The following SSC4D variants were observed in gnomAD, a reference collection of about 807,000 sequenced individuals.
SSC4D encodes the protein scavenger receptor cysteine rich family member with 4 domains.
SSC4D carries 57 observed loss-of-function variants against 63.4 expected under a neutral mutation model. The observed-to-expected ratio is 0.90, with a 90% CI of 0.73 to 1.12. SSC4D has a LOEUF of 1.12. Ranked by LOEUF, SSC4D falls within the 50% of genes most tolerant of loss-of-function variation. The pLI is 0.00. For missense variants in SSC4D, 791 were observed against 806.4 expected (o/e 0.98, Z 0.23); for synonymous variants, 352 against 345.4 (o/e 1.02, Z -0.21).
At chr7:76,391,283 C>T (rs183897143) in intron 10 of SSC4D, among the ~76,000 whole-genome samples, 9 of 151,916 alleles carry the variant, frequency 5.9e-5, no homozygotes, top group South Asian at 2.1e-4. Flanking sequence ...AAAATACAAA[C>T]GCACAAAATT....
intron 7 of SSC4D, 91 bp downstream of exon 7, chr7:76,395,161 GC>G: frequency 6.8e-7 from 1 of 1,467,670 alleles, no homozygotes; most frequent in Non-Finnish European, 9.5e-7. Flanking sequence ...GTTAGCCAGG[GC>G]CCCCGCCTGT....
chr7:76,390,100 C>G lies in SSC4D; in HGVS notation c.1687G>C (p.Asp563His), dbSNP rs1226714586. ...SHIRWDAHNC[D>H]HSEDASVLCQ... The stretch of plus-strand genomic sequence containing the variant: ...AGGACACTGGCATCCTCGCTGTGGT[C>G]ACAGTTGTGGGCATCCCAGCGGATA... Residue 563 changes from aspartate to histidine, a missense_variant, in exon 11 of 11, where the codon GAC becomes CAC. Physicochemically the swap from Asp to His is moderately conservative, Grantham distance 81. Transcript: ENST00000275560. 1 of 1,614,216 alleles carries G rather than the reference C, an allele frequency of 6.2e-7. No individual in the cohort carries two copies. Among genetic ancestry groups the G allele is most frequent in the African/African-American group, 1.3e-5 (1 of 75,060 alleles).
Position 76,390,088 on chromosome 7 carries a change from C to A in SSC4D, c.1699G>T (p.Asp567Tyr). The A allele has an allele frequency of 6.2e-7, 1 of 1,614,208 alleles. No individual in the cohort carries two copies. Among genetic ancestry groups the A allele is most frequent in the Non-Finnish European group, 8.5e-7 (1 of 1,180,032 alleles). ...WDAHNCDHSE[D>Y]ASVLCQPS is the part of the protein sequence containing the mutation. ...GAAGGCTGGCACAGGACACTGGCAT[C>A]CTCGCTGTGGTCACAGTTGTGGGCA... The change falls in exon 11 of 11, where the codon GAT (aspartate) becomes TAT (tyrosine). Residue 567 changes from aspartate (D) to tyrosine (Y), a missense_variant. Transcript: ENST00000275560.
chr7:76,403,433 G>A (rs1458081793), intron 2 of SSC4D, among the ~76,000 whole-genome samples: 1 of 151,284 alleles, frequency 6.6e-6, no homozygotes, highest in East Asian at 1.9e-4. Flanking sequence ...CACCTCCTGG[G>A]TTCAAACAAT....
rs770616035 is a variant in SSC4D at position 76,397,593 on chromosome 7, G to A, written c.793C>T (p.Leu265=). ...NVHCEGGEPR[L]AACQSLGWGV... Reference sequence around the variant, plus strand: ...CAGCCCAGGCTCTGGCAGGCTGCCAGGCGGGGCTCGCCGCCTTCGCAGTGC... The same window carrying A: ...CAGCCCAGGCTCTGGCAGGCTGCCAAGCGGGGCTCGCCGCCTTCGCAGTGC... Residue 265 remains leucine, a synonymous_variant, in exon 6 of 11, where the codon CTG becomes TTG. Transcript: ENST00000275560. 6 of 1,608,008 alleles carry A rather than the reference G, an allele frequency of 3.7e-6. No homozygotes were observed. In the South Asian group the frequency reaches 6.6e-5, roughly 18 times the overall value.
intron 3 of SSC4D, 50 bp downstream of exon 3, chr7:76,400,958 A>G: frequency 6.5e-7 from 1 of 1,549,776 alleles, no homozygotes; most frequent in Non-Finnish European, 8.7e-7. Context: ...CTGAGGCTGG[A>G]GTACCTGGCG....
intron 6 of SSC4D, among the ~76,000 whole-genome samples, chr7:76,395,846 C>G (rs987085677): frequency 6.6e-6 from 1 of 152,266 alleles, no homozygotes; most frequent in African/African-American, 2.4e-5. Flanking sequence ...CGCCTGCCAG[C>G]ACGCCTGGCT....
chr7:76,404,513 T>G lies in SSC4D; in HGVS notation c.-66-8A>C. ...AAGTCACAGTTGGAACATCTGAAAT[T>G]AAAGATCCCAAATGTTGCTGGGCCT... On this transcript the variant is annotated splice_polypyrimidine_tract_variant and splice_region_variant and intron_variant, in intron 1 of 10. Transcript: ENST00000275560. The G allele has an allele frequency of 6.2e-7, 1 of 1,609,176 alleles. No homozygotes were observed. Among genetic ancestry groups the G allele is most frequent in the Non-Finnish European group, 8.5e-7 (1 of 1,178,300 alleles).
At chr7:76,393,368 G>C in intron 9 of SSC4D, 37 bp downstream of exon 9, 1 of 1,330,442 alleles carries the variant, frequency 7.5e-7, no homozygotes, top group Non-Finnish European at 9.6e-7. Context: ...GCAGTGCGCG[G>C]CCCCGCTGTC....
chr7:76,395,434 T>C (rs1584019626), intron 6 of SSC4D, 104 bp from the exon 7 acceptor site: 1 of 1,171,906 alleles, frequency 8.5e-7, no homozygotes, highest in African/African-American at 1.5e-5. Context: ...GAGGAGAGAA[T>C]AGATGTTACT....
chr7:76,401,066 A>C, intron 2 of SSC4D, 23 bp from the exon 3 acceptor site: 1 of 1,536,900 alleles, frequency 6.5e-7, no homozygotes, highest in Non-Finnish European at 8.8e-7. Flanking sequence ...GAGGAAGAGC[A>C]TTGGCCCCTC....
intron 6 of SSC4D, 133 bp from the exon 7 acceptor site, chr7:76,395,463 G>A: frequency 1.2e-6 from 1 of 854,738 alleles, no homozygotes; most frequent in East Asian, 2.7e-5. Flanking sequence ...TGGTGGCCCA[G>A]CCGCAGCGGG....
chr7:76,405,339 C>T (rs918050751), intron 1 of SSC4D, among the ~76,000 whole-genome samples: 301 of 21,238 alleles, frequency 0.014, 1 homozygote, highest in African/African-American at 0.023. Context: ...TTCTTTCTTT[C>T]TTTTTTTTTT....
intron 2 of SSC4D, among the ~76,000 whole-genome samples, chr7:76,402,010 C>T (rs76114069): frequency 2.3e-3 from 352 of 152,070 alleles, no homozygotes; most frequent in African/African-American, 8.1e-3. Context: ...AGTCCTTCTA[C>T]TTCATTCTTC....
chr7:76,397,826 C>T lies in SSC4D; in HGVS notation c.560G>A (p.Gly187Asp), dbSNP rs1218512057. Residue 187 changes from glycine (G) to aspartate (D), a missense_variant, in exon 6 of 11, where the codon GGC (glycine) becomes GAC (aspartate). By Grantham distance (94) the Gly-to-Asp change is moderately conservative. Coordinates refer to ENST00000275560, the MANE Select transcript of SSC4D (RefSeq NM_080744.2). ...PTTLPNGKSE[G>D]SVRLVGGANL... is the part of the protein sequence containing the mutation. The stretch of plus-strand genomic sequence containing the variant: ...CGCGCCCCCTACCAGGCGTACGCTG[C>T]CCTCACCTGGGGATGGGGGCGGGGG... 6.4e-7 allele frequency: 1 copy of T among 1,573,154 alleles called. No individual in the cohort carries two copies. The highest frequency in any genetic ancestry group is 1.1e-5 in the South Asian group (1 of 87,864).
rs888469990 is a variant in SSC4D at position 76,404,229 on chromosome 7, C to T, written c.133+78G>A. ...AGGAACGAGCTCATTCACAACCCTC[C>T]TCCTACTATAAAGTTACAGCTGGGA... On this transcript the variant is annotated intron_variant, in intron 2 of 10. Transcript: ENST00000275560. 7.6e-6 allele frequency: 11 copies of T among 1,453,894 alleles called. No homozygotes were observed. In the African/African-American group the frequency reaches 8.6e-5, roughly 11 times the overall value. 90.1% of individuals were successfully genotyped at this position (1,453,894 alleles called of 1,614,324 possible). A position where few individuals can be genotyped will look rare whatever the true frequency, so the allele number is the denominator to read the frequency against.
In SSC4D at chr7:76,404,432, T is replaced by C; in HGVS notation, c.8A>G (p.Lys3Arg). ...GGGACCAATTAGCATCTCTGCTTCC[T>C]TGTGCATCTAGATGGTGAAGGGTGT... MH[K>R]EAEMLIGPQL... Residue 3 changes from lysine to arginine, a missense_variant, in exon 2 of 11, where the codon AAG becomes AGG. Coordinates refer to ENST00000275560, the MANE Select transcript of SSC4D (RefSeq NM_080744.2). 1.2e-6 allele frequency: 2 copies of C among 1,614,076 alleles called. No individual in the cohort carries two copies. Among genetic ancestry groups the C allele is most frequent in the Non-Finnish European group, 1.7e-6 (2 of 1,180,014 alleles).
At chr7:76,391,889 G>T in intron 10 of SSC4D, 75 bp downstream of exon 10, 1 of 1,437,876 alleles carries the variant, frequency 7.0e-7, no homozygotes. Flanking sequence ...TATAACCTAG[G>T]CTGTGACCTC....
intron 6 of SSC4D, 148 bp from the exon 7 acceptor site, chr7:76,395,478 C>T: frequency 1.4e-6 from 1 of 722,862 alleles, no homozygotes; most frequent in South Asian, 1.7e-5. Flanking sequence ...AGCGGGGTTC[C>T]AAGGAGGCCT....
Sources: allele counts gnomAD v4.1 joint callset (sites outside exome capture counted in the v4.1 genomes callset), GRCh38; gene constraint gnomAD v4.1.1; transcripts MANE v1.5; gene names NCBI Gene and HGNC (gene_info 2026-07-23, HGNC 2026-07-21).